Variants in RGPD1 observed in about 807,000 individuals in gnomAD.
RGPD1 encodes the protein RANBP2-like and GRIP domain-containing protein 1.
In RGPD1, 7 loss-of-function variants were observed where a neutral mutation model predicts 40.6. The observed-to-expected ratio is 0.17, with a 90% confidence interval of 0.10 to 0.32. The LOEUF (loss-of-function observed/expected upper bound fraction) is 0.32, where lower values mean the gene tolerates loss of function less well. RGPD1 is among the 10% of genes least tolerant of loss of function. The pLI, the probability that RGPD1 is intolerant of heterozygous loss-of-function variation, is 1.00. For synonymous variants in RGPD1, 24 were observed against 167.0 expected, an observed-to-expected ratio of 0.14 and a Z score of 6.60; for missense variants, 50 against 472.5, an observed-to-expected ratio of 0.11 and a Z score of 8.29.
intron 1 of RGPD1, among the ~76,000 whole-genome samples, chr2:86,942,600 TCCC>T (rs1679942928): frequency 2.5e-5 from 3 of 119,298 alleles, no homozygotes; most frequent in African/African-American, 9.3e-5. Flanking sequence ...GCGTCATGGC[TCCC>T]GACGGGCGCT....
At chr2:86,931,595 ATTTGT>A (rs550248943) in intron 1 of RGPD1, among the ~76,000 whole-genome samples, 1 of 152,002 alleles carries the variant, frequency 6.6e-6, no homozygotes, top group Non-Finnish European at 1.5e-5. Flanking sequence ...ATGATTTTAT[ATTTGT>A]TTTGTTTTTC....
At chr2:86,930,171 A>T in intron 1 of RGPD1, 1 of 1,448,318 alleles carries the variant, frequency 6.9e-7, no homozygotes, top group South Asian at 1.2e-5. Flanking sequence ...CCCCTGCCCC[A>T]GACTCACCCT....
At chr2:86,930,810 C>G (rs1160580647) in intron 1 of RGPD1, 1 of 898,336 alleles carries the variant, frequency 1.1e-6, no homozygotes, top group Non-Finnish European at 1.6e-6. Flanking sequence ...AGCCGCCCCG[C>G]CCCTGCCACC....
At chr2:86,939,486 CAAG>C (rs1201572285), upstream of RGPD1, among the ~76,000 whole-genome samples, 1 of 144,658 alleles carries the variant, frequency 6.9e-6, no homozygotes, top group Non-Finnish European at 1.5e-5. Flanking sequence ...GGCTGAGGCA[CAAG>C]AATTGCTTGA....
intron 1 of RGPD1, among the ~76,000 whole-genome samples, chr2:86,914,476 C>CG (rs1677657074): frequency 2.8e-4 from 1 of 3,558 alleles, no homozygotes; most frequent in Non-Finnish European, 4.1e-4. Flanking sequence ...CGGCGGCGGC[C>CG]TCGGCCTCGG....
At chr2:86,934,765 T>C in intron 1 of RGPD1, 1 of 178,438 alleles carries the variant, frequency 5.6e-6, no homozygotes, top group Non-Finnish European at 1.2e-5. Flanking sequence ...CATGTCCTAT[T>C]CGGCTGGTTT....
At chr2:86,942,779 G>A (rs946552843) in intron 1 of RGPD1, among the ~76,000 whole-genome samples, 2 of 151,644 alleles carry the variant, frequency 1.3e-5, no homozygotes, top group Admixed American at 1.3e-4. Context: ...GCTCTGTTGA[G>A]GCGCCGGCCG....
At chr2:86,957,191 A>G (rs1193405290) in intron 4 of RGPD1, among the ~76,000 whole-genome samples, 7 of 146,738 alleles carry the variant, frequency 4.8e-5, no homozygotes, top group East Asian at 2.0e-4. Context: ...CTCTCCTTGT[A>G]TGTAAGTTCA....
chr2:86,914,236 G>C (rs1360691891), intron 1 of RGPD1, among the ~76,000 whole-genome samples: 3 of 82,330 alleles, frequency 3.6e-5, no homozygotes, highest in Non-Finnish European at 7.4e-5. Context: ...CGGCCTGGCC[G>C]GGCGGCGGCG....
At chr2:86,942,111 A>G (rs1275504268), upstream of RGPD1, 3 of 1,323,270 alleles carry the variant, frequency 2.3e-6, no homozygotes, top group Non-Finnish European at 3.1e-6. Flanking sequence ...CGCAGTACAC[A>G]AGTGCGTCAC....
intron 1 of RGPD1, among the ~76,000 whole-genome samples, chr2:86,945,378 G>T (rs1558802947): frequency 6.6e-6 from 1 of 152,192 alleles, no homozygotes; most frequent in Non-Finnish European, 1.5e-5. Flanking sequence ...AAAACAGGGT[G>T]CTTTGGATAG....
chr2:86,941,045 A>G (rs1374378077), upstream of RGPD1, among the ~76,000 whole-genome samples: 1 of 150,808 alleles, frequency 6.6e-6, no homozygotes, highest in African/African-American at 2.4e-5. Context: ...ATCAAAATTT[A>G]GAAAATATGG....
chr2:86,960,559 CAG>C (rs1462999261), intron 6 of RGPD1, among the ~76,000 whole-genome samples: 4 of 124,438 alleles, frequency 3.2e-5, no homozygotes, highest in Non-Finnish European at 6.5e-5. Flanking sequence ...TTAGTAGAAA[CAG>C]GGTTTCATCA....
Position 86,914,009 on chromosome 2 carries a change from G to C in RGPD1, c.72+88G>C, listed in dbSNP as rs112554510. On this transcript the variant is annotated intron_variant, in intron 1 of 22. Coordinates refer to the RGPD1 transcript ENST00000398193. The stretch of plus-strand genomic sequence containing the variant: ...GGGCGGCGGCGGCGGCCTCGGCCTC[G>C]GCCTGGCCGGGCGGCGGCGGCGGCG... The C allele has an allele frequency of 4.8e-3, 1,971 of 413,212 alleles. 354 individuals carry two copies. Among genetic ancestry groups the C allele is most frequent in the African/African-American group, 0.046 (733 of 15,818 alleles). The allele number at this position is 413,212 out of a possible 1,614,324, so 25.6% of individuals were successfully genotyped here.
At chr2:86,930,812 C>T (rs1678901266) in intron 1 of RGPD1, 3 of 891,664 alleles carry the variant, frequency 3.4e-6, no homozygotes, top group Admixed American at 4.7e-5. Flanking sequence ...CCGCCCCGCC[C>T]CTGCCACCTC....
intron 1 of RGPD1, among the ~76,000 whole-genome samples, chr2:86,926,579 T>A (rs1346985150): frequency 6.6e-6 from 1 of 151,952 alleles, no homozygotes; most frequent in South Asian, 2.1e-4. Flanking sequence ...ACAACAAAAC[T>A]CCAACTAGTC....
chr2:86,945,645 C>T (rs981721449), intron 1 of RGPD1, among the ~76,000 whole-genome samples: 3 of 152,088 alleles, frequency 2.0e-5, no homozygotes, highest in Admixed American at 6.6e-5. Context: ...AAATATTCTT[C>T]GTCTGTAATC....
At chr2:86,931,984 ATAT>A (rs1271367676) in intron 1 of RGPD1, among the ~76,000 whole-genome samples, 136 of 148,158 alleles carry the variant, frequency 9.2e-4, no homozygotes, top group Middle Eastern at 3.6e-3. Context: ...TATAATATTC[ATAT>A]TATATATATA....
chr2:86,923,151 G>C (rs1188620857), intron 1 of RGPD1, among the ~76,000 whole-genome samples: 3 of 140,770 alleles, frequency 2.1e-5, no homozygotes, highest in African/African-American at 5.4e-5. Flanking sequence ...CAGTTCTCCT[G>C]TCTCAGCCTC....
Sources: gnomAD v4.1 joint callset for allele counts (sites outside exome capture counted in the v4.1 genomes callset) on GRCh38, gnomAD v4.1.1 for gene constraint, MANE v1.5 for transcripts, NCBI Gene and HGNC (gene_info 2026-07-23, HGNC 2026-07-21) for gene names.